SEMA5B: variants seen among roughly 807,000 people sequenced by gnomAD.
The protein encoded by SEMA5B is semaphorin-5B.
Under a neutral mutation model 135.0 loss-of-function variants are expected in SEMA5B, and 66 were observed. That is an observed-to-expected ratio of 0.49 (90% CI 0.40 to 0.60). SEMA5B has a LOEUF of 0.60. SEMA5B is among the 20% of genes least tolerant of loss of function. SEMA5B has a pLI of 0.00. For missense variants in SEMA5B, 1,501 were observed against 1,566.3 expected (o/e 0.96, Z 0.70); for synonymous variants, 690 against 639.5 (o/e 1.08, Z -1.19).
intron 1 of SEMA5B, among the ~76,000 whole-genome samples, chr3:122,962,508 G>A (rs1406692137): frequency 6.6e-6 from 1 of 152,178 alleles, no homozygotes; most frequent in Non-Finnish European, 1.5e-5. Flanking sequence ...AATGGAAAGG[G>A]GAGATTGCGG....
chr3:122,966,579 G>A (rs1940841595), intron 1 of SEMA5B, among the ~76,000 whole-genome samples: 1 of 141,366 alleles, frequency 7.1e-6, no homozygotes, highest in African/African-American at 3.0e-5. Context: ...TTTTGAGACG[G>A]AGTCTCGCTC....
At chr3:122,919,461 G>C (rs1938244119) in intron 12 of SEMA5B, among the ~76,000 whole-genome samples, 1 of 152,192 alleles carries the variant, frequency 6.6e-6, no homozygotes, top group Non-Finnish European at 1.5e-5. Context: ...TGAGTGAAAA[G>C]AGGCAGTTGG....
chr3:122,986,018 A>C (rs1021051371), intron 1 of SEMA5B, among the ~76,000 whole-genome samples: 1 of 152,138 alleles, frequency 6.6e-6, no homozygotes, highest in Non-Finnish European at 1.5e-5. Context: ...CTGATTAGAT[A>C]AAATTCTATG....
At chr3:122,998,463 G>T (rs1942082071) in intron 1 of SEMA5B, among the ~76,000 whole-genome samples, 1 of 152,144 alleles carries the variant, frequency 6.6e-6, no homozygotes, top group Admixed American at 6.5e-5. Context: ...AAAGTTCCAG[G>T]CTTATCTATT....
chr3:122,996,959 T>G (rs576892599), intron 1 of SEMA5B, among the ~76,000 whole-genome samples: 8 of 152,308 alleles, frequency 5.3e-5, no homozygotes, highest in African/African-American at 1.7e-4. Flanking sequence ...GGTCCACCCT[T>G]GGGTTCTTTA....
At chr3:122,986,118 GCCAACA>G (rs1220776521) in intron 1 of SEMA5B, among the ~76,000 whole-genome samples, 7 of 152,060 alleles carry the variant, frequency 4.6e-5, no homozygotes, top group Admixed American at 4.6e-4. Context: ...TCTGTTTCTT[GCCAACA>G]CCAAGTCCAG....
intron 22 of SEMA5B, 119 bp from the exon 23 acceptor site, chr3:122,910,420 G>A: frequency 9.4e-7 from 1 of 1,068,254 alleles, no homozygotes. Context: ...CGGATCCAGT[G>A]CTCTGTTCAC....
rs772887471 is a variant in SEMA5B at position 122,927,879 on chromosome 3, T to C, written c.761A>G (p.Asp254Gly). The change falls in exon 8 of 23, where the codon GAC becomes GGC. Residue 254 changes from aspartate to glycine, a missense_variant. This residue lies in a region of SEMA5B where 574 missense variants were observed against 684.7 expected (regional missense o/e 0.84). Coordinates refer to ENST00000357599, the MANE Select transcript of SEMA5B (RefSeq NM_001031702.4). ...QGELYAATVIDFSGRDPAIYR... is the reference protein window; with the variant it reads ...QGELYAATVIGFSGRDPAIYR... ...GATGGCAGGGTCCCGACCTGAGAAGTCGATGACCGTGGCTGCATAGAGCTC... is the reference window on the plus strand; with the variant it reads ...GATGGCAGGGTCCCGACCTGAGAAGCCGATGACCGTGGCTGCATAGAGCTC... The C allele has an allele frequency of 1.3e-6, 2 of 1,595,564 alleles. No homozygotes were observed. Among genetic ancestry groups the C allele is most frequent in the Middle Eastern group, 1.7e-4 (1 of 6,020 alleles).
intron 1 of SEMA5B, among the ~76,000 whole-genome samples, chr3:122,992,608 C>T (rs1489536980): frequency 6.6e-6 from 1 of 152,138 alleles, no homozygotes; most frequent in African/African-American, 2.4e-5. Context: ...CCTGATGCCC[C>T]ACCTCCTCAC....
At chr3:122,939,637 A>G (rs761657841) in intron 4 of SEMA5B, among the ~76,000 whole-genome samples, 167 bp from the exon 5 acceptor site, 2 of 152,188 alleles carry the variant, frequency 1.3e-5, no homozygotes, top group Admixed American at 6.5e-5. Context: ...ATCTTCACAC[A>G]ACCCTGGGAG....
In SEMA5B at chr3:122,913,399, C is replaced by G; in HGVS notation, c.2306G>C (p.Gly769Ala). The change falls in exon 17 of 23, where the codon GGC becomes GCC. Residue 769 changes from glycine to alanine, a missense_variant. By Grantham distance (60) the Gly-to-Ala change is moderately conservative (BLOSUM62 0). Transcript: ENST00000357599. The part of the protein sequence containing the change: ...GVEFKTCNPE[G>A]CPEVRRNTPW... ...GGTGTTGCGCCGCACTTCGGGGCAG[C>G]CCTCGGGGTTGCACGTCTTGAACTC... is the stretch of plus-strand genomic sequence containing the variant. 1 of 1,575,664 alleles carries G rather than the reference C, an allele frequency of 6.3e-7. No homozygotes were observed. Among genetic ancestry groups the G allele is most frequent in the African/African-American group, 1.3e-5 (1 of 74,524 alleles).
At chr3:123,010,201 T>C (rs1560441870) in intron 1 of SEMA5B, among the ~76,000 whole-genome samples, 1 of 152,126 alleles carries the variant, frequency 6.6e-6, no homozygotes, top group African/African-American at 2.4e-5. Context: ...TACCCCAGCA[T>C]GCTCACACCA....
At chr3:122,942,691 A>C (rs1219907441) in intron 4 of SEMA5B, among the ~76,000 whole-genome samples, 2 of 152,192 alleles carry the variant, frequency 1.3e-5, no homozygotes, top group Admixed American at 1.3e-4. Flanking sequence ...TGGTCAGGCC[A>C]CCTGGAAGGG....
intron 1 of SEMA5B, among the ~76,000 whole-genome samples, chr3:122,962,322 T>C (rs918992007): frequency 6.6e-6 from 1 of 152,158 alleles, no homozygotes; most frequent in African/African-American, 2.4e-5. Context: ...AGCAAATGGA[T>C]CCCGGCCAGT....
At chr3:122,984,357 A>T (rs183396389) in intron 1 of SEMA5B, among the ~76,000 whole-genome samples, 3 of 152,346 alleles carry the variant, frequency 2.0e-5, no homozygotes, top group Admixed American at 6.5e-5. Context: ...TATCACTCCC[A>T]TTCTGGGCAG....
rs568076071 is a variant in SEMA5B at position 123,014,068 on chromosome 3, T to A, written c.-39+13396A>T. ...AAGCCACTTGGCCGGGACACACATC[T>A]AGGGAACAGGGAACATGCAAATGAG... On this transcript the variant is annotated intron_variant, in intron 1 of 22. Transcript: ENST00000357599. Among the ~76,000 whole-genome samples, 4 of 152,266 alleles carry A rather than the reference T, an allele frequency of 2.6e-5. No homozygotes were observed. In the South Asian group the frequency reaches 8.3e-4, roughly 32 times the overall value.
At position 122,929,047 on chromosome 3, in the gene SEMA5B, C is replaced by T; in HGVS notation, c.486G>A (p.Trp162Ter). 1 of 1,611,936 alleles carries T rather than the reference C, an allele frequency of 6.2e-7. No individual in the cohort carries two copies. The highest frequency in any genetic ancestry group is 8.5e-7 in the Non-Finnish European group (1 of 1,179,988). The change falls in exon 6 of 23, where the codon TGG (tryptophan) becomes TGA (stop). Residue 162 changes from tryptophan (W) to a stop codon, truncating the protein, a stop_gained. Coordinates refer to ENST00000357599, the MANE Select transcript of SEMA5B (RefSeq NM_001031702.4). LOFTEE classifies it high-confidence loss of function. ...ANVSLLQATE[W>*]ASSEDTRRSC... ...AGCGGCGCGTGTCCTCACTGGAGGC[C>T]CACTCTGTGGCCTGGGGGAGGAACA...
At chr3:123,005,775 C>T (rs770732787) in intron 1 of SEMA5B, among the ~76,000 whole-genome samples, 5 of 152,166 alleles carry the variant, frequency 3.3e-5, no homozygotes, top group Non-Finnish European at 5.9e-5. Context: ...CAATCCTGAT[C>T]CCTGAAACAC....
At chr3:123,005,587 A>G (rs1942290434) in intron 1 of SEMA5B, among the ~76,000 whole-genome samples, 1 of 152,162 alleles carries the variant, frequency 6.6e-6, no homozygotes, top group African/African-American at 2.4e-5. Flanking sequence ...TTCATTGCAT[A>G]TTTAACTCCA....
Sources: allele counts gnomAD v4.1 joint callset (sites outside exome capture counted in the v4.1 genomes callset), GRCh38; gene constraint gnomAD v4.1.1; regional missense constraint gnomAD v4.1.1; transcripts MANE v1.5; gene names NCBI Gene and HGNC (gene_info 2026-07-23, HGNC 2026-07-21).